AFF2: variants seen among roughly 807,000 people sequenced by gnomAD.
AFF2 encodes ALF transcription elongation factor 2, also known as AF4/FMR2 family member 2.
In AFF2, 14 loss-of-function variants were observed where a neutral mutation model predicts 76.9. The ratio of observed to expected loss-of-function variants is 0.18; its 90% CI spans 0.12 to 0.28. The LOEUF (loss-of-function observed/expected upper bound fraction) is 0.28, where lower values mean the gene tolerates loss of function less well. Among genes scored for constraint, AFF2 ranks in the 10% least tolerant of loss-of-function variants. The pLI is 1.00. For missense variants in AFF2, 868 were observed against 1,001.1 expected (o/e 0.87, Z 1.79); for synonymous variants, 398 against 366.7 (o/e 1.09, Z -0.98).
At chrX:148,668,217 G>A (rs782322541) in intron 3 of AFF2, among the ~76,000 whole-genome samples, 32 of 113,270 alleles carry the variant, frequency 2.8e-4, no homozygotes, top group Non-Finnish European at 5.6e-4. Context: ...GGTTCCCATG[G>A]TCTTGGACAG....
At position 148,997,655 on chromosome X, in the gene AFF2, ATATT is replaced by A. The variant is rs1336915934; in HGVS notation, c.*6325_*6328del. The stretch of plus-strand genomic sequence containing the variant: ...TCTATCCTTTCATGGTATTGCTACA[ATATT>A]TGTCCTTACTGGAAAATGGTAACAT... On this transcript the variant is annotated 3_prime_UTR_variant, in exon 21 of 21. Transcript: ENST00000370460. 1 of 111,706 alleles carries A rather than the reference ATATT, an allele frequency of 9.0e-6. No homozygotes were observed. Among genetic ancestry groups the A allele is most frequent in the Non-Finnish European group, 1.9e-5 (1 of 53,184 alleles). 9.2% of individuals were successfully genotyped at this position (111,706 alleles called of 1,213,427 possible). A position where few individuals can be genotyped will look rare whatever the true frequency, so the allele number is the denominator to read the frequency against.
intron 3 of AFF2, among the ~76,000 whole-genome samples, chrX:148,777,863 C>T (rs942285477): frequency 7.1e-5 from 8 of 111,905 alleles, no homozygotes; most frequent in Non-Finnish European, 1.3e-4. Flanking sequence ...TGCCTGATTG[C>T]CCTGGCCAGA....
At chrX:148,655,146 G>A (rs1481847267) in intron 2 of AFF2, among the ~76,000 whole-genome samples, 4 of 111,317 alleles carry the variant, frequency 3.6e-5, no homozygotes, top group Non-Finnish European at 7.5e-5. Flanking sequence ...CAGAAGTTTT[G>A]AAAGCCATCT....
At position 148,983,953 on chromosome X, in the gene AFF2, C is replaced by CAAAAAAAAAAAAAAAAAAAAAAAAA. The variant is rs56767828; in HGVS notation, c.3623+3178_3623+3179insAAAAAAAAAAAAAAAAAAAAAAAAA. ...GAAGTATGGCACAGAGTGAAATAGACAAAAAAAAAAAAAAACTGCCCTCAT... is the reference window on the plus strand; with the variant it reads ...GAAGTATGGCACAGAGTGAAATAGACAAAAAAAAAAAAAAAAAAAAAAAAAAAAAAAAAAAAAAAACTGCCCTCAT... On this transcript the variant is annotated intron_variant, in intron 19 of 20. Transcript: ENST00000370460. Among the ~76,000 whole-genome samples, 28 of 29,125 alleles carry CAAAAAAAAAAAAAAAAAAAAAAAAA rather than the reference C, an allele frequency of 9.6e-4. 12 individuals are homozygous for CAAAAAAAAAAAAAAAAAAAAAAAAA. Among genetic ancestry groups the CAAAAAAAAAAAAAAAAAAAAAAAAA allele is most frequent in the East Asian group, 6.3e-3 (4 of 638 alleles). The allele number at this position is 29,125 out of a possible 115,157, so 25.3% of individuals were successfully genotyped here.
At chrX:148,755,993 G>A (rs1354396288) in intron 3 of AFF2, among the ~76,000 whole-genome samples, 1 of 112,120 alleles carries the variant, frequency 8.9e-6, no homozygotes, top group Non-Finnish European at 1.9e-5. Flanking sequence ...ACTATTAAAA[G>A]AGGCTGGGCC....
At chrX:148,974,178 T>C (rs1421969199) in intron 16 of AFF2, among the ~76,000 whole-genome samples, 1 of 109,864 alleles carries the variant, frequency 9.1e-6, no homozygotes, top group African/African-American at 3.3e-5. Flanking sequence ...GCACACATTA[T>C]TGGTTTCATT....
At chrX:148,901,142 A>G (rs2071349928) in intron 8 of AFF2, among the ~76,000 whole-genome samples, 1 of 112,039 alleles carries the variant, frequency 8.9e-6, no homozygotes, top group Admixed American at 9.4e-5. Flanking sequence ...CTGATGCTCA[A>G]AGGTGTTTAG....
intron 1 of AFF2, among the ~76,000 whole-genome samples, chrX:148,505,126 A>G (rs782556714): frequency 1.4e-4 from 16 of 111,825 alleles, no homozygotes; most frequent in Non-Finnish European, 2.6e-4. Context: ...CTTTGCTAGT[A>G]CAGTATGCAT....
chrX:148,778,165 C>T (rs1453868412), intron 3 of AFF2, among the ~76,000 whole-genome samples: 2 of 111,248 alleles, frequency 1.8e-5, no homozygotes, highest in Non-Finnish European at 3.8e-5. Context: ...TATTGTTTTG[C>T]GTGTGTTGAA....
Position 148,953,630 on chromosome X carries a change from G to T in AFF2, c.1448G>T (p.Gly483Val), listed in dbSNP as rs782666153. 2.5e-6 allele frequency: 3 copies of T among 1,211,756 alleles called. No individual in the cohort carries two copies. Among genetic ancestry groups the T allele is most frequent in the Non-Finnish European group, 3.4e-6 (3 of 895,447 alleles). The change falls in exon 10 of 21, where the codon GGT becomes GTT. Residue 483 changes from glycine (G) to valine (V), a missense_variant. By Grantham distance (109) the Gly-to-Val change is moderately radical. Coordinates refer to ENST00000370460, the MANE Select transcript of AFF2 (RefSeq NM_002025.4). ...CCACCTGCAGTGCAAGCCAGCGGGG[G>T]TTCTGGCAGCTCCAGCGAATCGGAG... ...QPPPAVQASGGSGSSSESESS... is the reference protein window; with the variant it reads ...QPPPAVQASGVSGSSSESESS...
rs371813714 is a variant in AFF2 at position 148,909,224 on chromosome X, C to T, written c.1397+4966C>T. Among the ~76,000 whole-genome samples, 7 of 112,176 alleles carry T rather than the reference C, an allele frequency of 6.2e-5. 1 individual carries two copies. In the East Asian group the frequency reaches 2.0e-3, roughly 31 times the overall value. On this transcript the variant is annotated intron_variant, in intron 9 of 20. Transcript: ENST00000370460. ...TTGAAAATCATATGGATATGAGATC[C>T]ATTGACAGGGCATTGATGCCTCAGA...
intron 1 of AFF2, among the ~76,000 whole-genome samples, chrX:148,504,573 T>C (rs1194804806): frequency 8.9e-6 from 1 of 112,938 alleles, no homozygotes; most frequent in East Asian, 2.8e-4. Context: ...TAAACTGTTA[T>C]ATAAATAGAA....
Position 148,987,613 on chromosome X carries a change from C to T in AFF2, c.3814+56C>T, listed in dbSNP as rs1430155062. On this transcript the variant is annotated intron_variant, in intron 20 of 20. Transcript: ENST00000370460. ...ACAGACCATGATGGAGTTAACTTCA[C>T]TTTGAAGGACTTGAGTTGTACTTGG... 5 of 1,013,027 alleles carry T rather than the reference C, an allele frequency of 4.9e-6. No individual in the cohort carries two copies. In the East Asian group the frequency reaches 1.2e-4, roughly 25 times the overall value. 83.5% of individuals were successfully genotyped at this position (1,013,027 alleles called of 1,213,427 possible). A position where few individuals can be genotyped will look rare whatever the true frequency, so the allele number is the denominator to read the frequency against.
At chrX:148,935,457 C>T (rs1908818931) in intron 9 of AFF2, among the ~76,000 whole-genome samples, 1 of 110,611 alleles carries the variant, frequency 9.0e-6, no homozygotes, top group Non-Finnish European at 1.9e-5. Flanking sequence ...AATTCTATGC[C>T]CAAATTTCAT....
At chrX:148,854,064 A>G (rs1557275684) in intron 7 of AFF2, among the ~76,000 whole-genome samples, 5 of 111,855 alleles carry the variant, frequency 4.5e-5, no homozygotes, top group African/African-American at 1.6e-4. Flanking sequence ...AGGGCCTGAA[A>G]CTGGGTGACC....
intron 7 of AFF2, among the ~76,000 whole-genome samples, chrX:148,848,177 G>A (rs986502566): frequency 9.0e-6 from 1 of 110,583 alleles, no homozygotes; most frequent in Admixed American, 9.7e-5. Context: ...CAACCTGGTG[G>A]GATGTAGTCC....
At chrX:148,702,385 A>G (rs1557261957) in intron 3 of AFF2, among the ~76,000 whole-genome samples, 1 of 111,976 alleles carries the variant, frequency 8.9e-6, no homozygotes, top group Non-Finnish European at 1.9e-5. Context: ...AATGGTGTTA[A>G]AGAGACATTG....
intron 3 of AFF2, among the ~76,000 whole-genome samples, chrX:148,676,056 G>C (rs2054478920): frequency 9.7e-6 from 1 of 102,785 alleles, no homozygotes; most frequent in East Asian, 3.0e-4. Flanking sequence ...TATGAATTGT[G>C]ATTTTTTTTT....
chrX:148,858,756 G>A (rs782118219), intron 7 of AFF2, among the ~76,000 whole-genome samples: 3 of 110,131 alleles, frequency 2.7e-5, no homozygotes, highest in African/African-American at 9.8e-5. Flanking sequence ...AAATAACACC[G>A]AAGTACATAA....
Sources: allele counts gnomAD v4.1 joint callset (sites outside exome capture counted in the v4.1 genomes callset), GRCh38; gene constraint gnomAD v4.1.1; transcripts MANE v1.5; gene names NCBI Gene and HGNC (gene_info 2026-07-23, HGNC 2026-07-21).